BLTP1: variants seen among roughly 807,000 people sequenced by gnomAD.
BLTP1 encodes bridge-like lipid transfer protein family member 1.
At chr4:122,162,992 T>C in the BLTP1 span, among the ~76,000 whole-genome samples, 88 of 152,320 alleles carry the variant, frequency 5.8e-4, no homozygotes, top group Non-Finnish European at 1.2e-3. Context: ...AAGTCTTATG[T>C]ATTAAATATT....
chr4:122,233,304 C>T, the BLTP1 span, among the ~76,000 whole-genome samples: 1 of 152,208 alleles, frequency 6.6e-6, no homozygotes, highest in Non-Finnish European at 1.5e-5. Context: ...ACGTGTTATG[C>T]TATTTTATGC....
chr4:122,231,555 A>C, the BLTP1 span: 1 of 650,426 alleles, frequency 1.5e-6, no homozygotes, highest in African/African-American at 2.0e-5. Context: ...TTTATCTTTT[A>C]ATTTTGTTTT....
At chr4:122,203,591 GATT>G in the BLTP1 span, among the ~76,000 whole-genome samples, 3 of 151,728 alleles carry the variant, frequency 2.0e-5, no homozygotes, top group Admixed American at 6.6e-5. Flanking sequence ...TTTCTAATCA[GATT>G]ATTTGATAAG....
At chr4:122,331,401 A>G in the BLTP1 span, 1 of 1,612,000 alleles carries the variant, frequency 6.2e-7, no homozygotes, top group Non-Finnish European at 8.5e-7. Context: ...CAACAACACC[A>G]GTCAATAGAA....
the BLTP1 span, chr4:122,349,318 A>G: frequency 1.2e-6 from 2 of 1,609,812 alleles, no homozygotes; most frequent in Non-Finnish European, 1.7e-6. This position sits in a 1 kb window ranked among gnomAD's most constrained non-coding sequence, Gnocchi z 4.5. Context: ...GATGGTTGGT[A>G]TGTTGAAATT....
chr4:122,360,355 A>G, the BLTP1 span, among the ~76,000 whole-genome samples: 1 of 152,200 alleles, frequency 6.6e-6, no homozygotes. Context: ...GATAGTTTCT[A>G]TAACTAGTGG....
chr4:122,184,906 TA>T, the BLTP1 span: 6 of 984,384 alleles, frequency 6.1e-6, no homozygotes, highest in East Asian at 6.8e-4. Context: ...AATCTGCCCC[TA>T]ATATTCTGAT....
chr4:122,261,287 TC>T, the BLTP1 span: 2 of 985,160 alleles, frequency 2.0e-6, no homozygotes, highest in African/African-American at 3.5e-5. Flanking sequence ...GACAGTTTTT[TC>T]AACCTTCTGA....
chr4:122,246,163 A>G, the BLTP1 span: 3 of 1,580,770 alleles, frequency 1.9e-6, no homozygotes, highest in Non-Finnish European at 2.6e-6. Flanking sequence ...TATCTTCCAA[A>G]CAAGACATTA....
the BLTP1 span, among the ~76,000 whole-genome samples, chr4:122,168,267 G>A: frequency 6.6e-6 from 1 of 152,144 alleles, no homozygotes; most frequent in South Asian, 2.1e-4. Context: ...TTTTCACTAT[G>A]GTTTGTTACT....
At chr4:122,312,861 G>A in the BLTP1 span, 1 of 831,978 alleles carries the variant, frequency 1.2e-6, no homozygotes, top group Admixed American at 6.2e-5. Context: ...ATTACAAAAG[G>A]ACATTAAAGA....
the BLTP1 span, chr4:122,162,621 A>G: frequency 9.1e-6 from 9 of 985,344 alleles, no homozygotes; most frequent in Non-Finnish European, 1.1e-5. Context: ...AATTCCTTTC[A>G]GCTATCACCC....
chr4:122,162,553 A>G, the BLTP1 span: 12 of 985,370 alleles, frequency 1.2e-5, no homozygotes, highest in East Asian at 7.9e-4. Context: ...TCTTGCTGAG[A>G]TGGGGTGGAG....
chr4:122,197,302 TAAATA>T, the BLTP1 span: 1 of 1,358,692 alleles, frequency 7.4e-7, no homozygotes, highest in Non-Finnish European at 9.9e-7. Context: ...CTTTTCTTTT[TAAATA>T]ATTAGGGAAA....
the BLTP1 span, among the ~76,000 whole-genome samples, chr4:122,190,930 T>C: frequency 3.9e-5 from 6 of 152,324 alleles, no homozygotes; most frequent in Admixed American, 3.3e-4. Flanking sequence ...CTTTTCACCA[T>C]GTTGACATTT....
At chr4:122,320,694 GTA>G in the BLTP1 span, among the ~76,000 whole-genome samples, 1 of 151,982 alleles carries the variant, frequency 6.6e-6, no homozygotes, top group African/African-American at 2.4e-5. Context: ...GCTTAAATAT[GTA>G]TATATAAGTG....
chr4:122,240,049 T>C, the BLTP1 span: 2 of 1,614,168 alleles, frequency 1.2e-6, no homozygotes, highest in Non-Finnish European at 1.7e-6. Context: ...ACTCTGCCAT[T>C]CAAAACTCAT....
chr4:122,333,272 C>T, the BLTP1 span, among the ~76,000 whole-genome samples: 1 of 62,048 alleles, frequency 1.6e-5, no homozygotes, highest in Non-Finnish European at 3.2e-5. Context: ...TCCTATTTCT[C>T]CGCATCCTCT....
At chr4:122,195,556 G>A in the BLTP1 span, 3 of 154,108 alleles carry the variant, frequency 1.9e-5, no homozygotes, top group East Asian at 1.9e-4. Context: ...AAATGGAGAC[G>A]CAGAGAGGTT....
Sources: allele counts gnomAD v4.1 joint callset (sites outside exome capture counted in the v4.1 genomes callset), GRCh38; gene constraint gnomAD v4.1.1; non-coding constraint Gnocchi (gnomAD v3.1); transcripts MANE v1.5; gene names NCBI Gene and HGNC (gene_info 2026-07-23, HGNC 2026-07-21).